Variants in ANO2 observed in about 807,000 individuals in gnomAD.
ANO2 encodes anoctamin-2.
ANO2 carries 101 observed loss-of-function variants against 124.2 expected under a neutral mutation model. That is an observed-to-expected ratio of 0.81 (90% CI 0.69 to 0.96). ANO2 has a LOEUF of 0.96. ANO2 is among the 40% of genes least tolerant of loss of function. The probability of loss-of-function intolerance (pLI) is 0.00; values close to 1 mark genes in which losing one functional copy is unlikely to be tolerated. For missense variants in ANO2, 1,293 were observed against 1,274.5 expected (o/e 1.01, Z -0.22); for synonymous variants, 486 against 482.5 (o/e 1.01, Z -0.09).
rs1224777633 is a variant in ANO2, at chr12:5,658,634, TATC to T, written c.1546-10836_1546-10834del. ...ATTAAATCATCATCAACATCAATAT[TATC>T]ATTGTCATCAATATCATCATCATCA... is the stretch of plus-strand genomic sequence containing the variant. On this transcript the variant is annotated intron_variant, in intron 14 of 24. Transcript: ENST00000682330. This position sits in a 1 kb window ranked among gnomAD's most constrained non-coding sequence, Gnocchi z 4.3. Among the ~76,000 whole-genome samples, 2 of 152,046 alleles carry T rather than the reference TATC, an allele frequency of 1.3e-5. No individual in the cohort carries two copies. The highest frequency in any genetic ancestry group is 4.8e-5 in the African/African-American group (2 of 41,364).
chr12:5,747,466 A>G (rs1324544354), intron 11 of ANO2, among the ~76,000 whole-genome samples: 1 of 152,226 alleles, frequency 6.6e-6, no homozygotes, highest in South Asian at 2.1e-4. Flanking sequence ...TTTAAAAAAC[A>G]GTTCCTCTGT....
chr12:5,670,643 T>C (rs1366926667), intron 14 of ANO2, among the ~76,000 whole-genome samples: 1 of 152,120 alleles, frequency 6.6e-6, no homozygotes, highest in East Asian at 1.9e-4. Flanking sequence ...CAGTTAATCC[T>C]CCCACCACAC....
At chr12:5,638,299 G>C (rs868336255) in intron 15 of ANO2, among the ~76,000 whole-genome samples, 9 of 145,288 alleles carry the variant, frequency 6.2e-5, no homozygotes, top group African/African-American at 1.0e-4. Context: ...GCAGTGGTGC[G>C]ATCTGGGCTC....
At chr12:5,600,992 G>A (rs1943912606) in intron 19 of ANO2, among the ~76,000 whole-genome samples, 1 of 152,150 alleles carries the variant, frequency 6.6e-6, no homozygotes, top group Non-Finnish European at 1.5e-5. Flanking sequence ...TCAGTTTCTG[G>A]TCTAATATTC....
chr12:5,611,376 AT>A, intron 19 of ANO2, among the ~76,000 whole-genome samples: 1 of 150,148 alleles, frequency 6.7e-6, no homozygotes, highest in Middle Eastern at 3.4e-3. Flanking sequence ...TATGCAGTCT[AT>A]TTTGTCTCCC....
intron 1 of ANO2, among the ~76,000 whole-genome samples, chr12:5,937,265 G>A (rs753590558): frequency 1.3e-5 from 2 of 152,138 alleles, no homozygotes; most frequent in African/African-American, 2.4e-5. Flanking sequence ...ACAGGTATGC[G>A]ATGATATCTC....
chr12:5,571,812 A>G (rs1167426214), intron 23 of ANO2, among the ~76,000 whole-genome samples: 2 of 152,122 alleles, frequency 1.3e-5, no homozygotes, highest in African/African-American at 2.4e-5. Flanking sequence ...TCTGCTTTCT[A>G]AATCTCCAGA....
At chr12:5,946,161 G>T, upstream of ANO2, 1 of 1,613,892 alleles carries the variant, frequency 6.2e-7, no homozygotes, top group African/African-American at 1.3e-5. This position sits in a 1 kb window ranked among gnomAD's most constrained non-coding sequence, Gnocchi z 4.1. Flanking sequence ...CTTCAGGCAT[G>T]AAGATTTTCT....
Position 5,921,359 on chromosome 12 carries a change from TTGA to T in ANO2, c.212_214del (p.Ile71del), listed in dbSNP as rs761695449. On this transcript the variant is annotated inframe_deletion, in exon 3 of 25. Transcript: ENST00000682330. ...AGGCTCATTGGCATCCAGATAGTTG[TTGA>T]TGACCTGGCCAGAGAGAGAGGAGAG... 3.1e-6 allele frequency: 5 copies of T among 1,613,418 alleles called. No individual in the cohort carries two copies. Among genetic ancestry groups the T allele is most frequent in the Non-Finnish European group, 4.2e-6 (5 of 1,179,516 alleles).
intron 14 of ANO2, among the ~76,000 whole-genome samples, chr12:5,702,033 T>TA (rs541048379): frequency 6.6e-6 from 1 of 151,996 alleles, no homozygotes; most frequent in Non-Finnish European, 1.5e-5. Flanking sequence ...AAATAAAAAA[T>TA]AAAAAAATAA....
intron 5 of ANO2, among the ~76,000 whole-genome samples, chr12:5,830,970 T>G (rs1455244146): frequency 6.6e-6 from 1 of 152,050 alleles, no homozygotes; most frequent in Non-Finnish European, 1.5e-5. Flanking sequence ...CATTTCAGGG[T>G]GTTGGATTAT....
intron 16 of ANO2, among the ~76,000 whole-genome samples, chr12:5,620,119 A>C (rs947625605): frequency 1.3e-5 from 2 of 152,264 alleles, no homozygotes; most frequent in African/African-American, 4.8e-5. Flanking sequence ...CTGGGAATTG[A>C]TGCCAACATT....
At chr12:5,740,594 C>T (rs1218234299) in intron 12 of ANO2, 2 of 152,176 alleles carry the variant, frequency 1.3e-5, no homozygotes, top group Non-Finnish European at 2.9e-5. Context: ...TGATCAGGGC[C>T]TTAAGAATGA....
At position 5,820,401 on chromosome 12, in the gene ANO2, T is replaced by C. The variant is rs116013999; in HGVS notation, c.892+7368A>G. Among the ~76,000 whole-genome samples the C allele has an allele frequency of 4.6e-3, 702 of 152,302 alleles. 3 individuals are homozygous for C. Among genetic ancestry groups the C allele is most frequent in the African/African-American group, 0.016 (661 of 41,554 alleles). On this transcript the variant is annotated intron_variant, in intron 7 of 24. Coordinates refer to ENST00000682330, the MANE Select transcript of ANO2 (RefSeq NM_001364791.2). ...ATCCTCAAGTTAAAGTAAGGACTTATGGAGGTCAGATAATTAATGGAGTTT... is the reference window on the plus strand; with the variant it reads ...ATCCTCAAGTTAAAGTAAGGACTTACGGAGGTCAGATAATTAATGGAGTTT...
At chr12:5,809,329 TAAAG>T (rs1202931497) in intron 7 of ANO2, among the ~76,000 whole-genome samples, 1 of 133,218 alleles carries the variant, frequency 7.5e-6, no homozygotes, top group African/African-American at 3.2e-5. Flanking sequence ...AGTTAAAAGC[TAAAG>T]CTACAAAGTG....
At chr12:5,939,529 A>C (rs527830983) in intron 1 of ANO2, among the ~76,000 whole-genome samples, 20 of 152,292 alleles carry the variant, frequency 1.3e-4, no homozygotes, top group African/African-American at 4.6e-4. Context: ...AGGTTGGTGG[A>C]AATTTGGGAA....
chr12:5,656,385 C>T (rs1419459135), intron 14 of ANO2, among the ~76,000 whole-genome samples: 4 of 152,324 alleles, frequency 2.6e-5, no homozygotes, highest in Non-Finnish European at 2.9e-5. Flanking sequence ...AACTCAACCA[C>T]GTGAACTGAA....
intron 16 of ANO2, among the ~76,000 whole-genome samples, chr12:5,619,516 C>T (rs756929810): frequency 6.6e-6 from 1 of 152,164 alleles, no homozygotes; most frequent in Non-Finnish European, 1.5e-5. Flanking sequence ...GCATTCCCTC[C>T]TCCTGGATAC....
chr12:5,935,511 T>C (rs1942610003), intron 1 of ANO2, among the ~76,000 whole-genome samples: 1 of 152,232 alleles, frequency 6.6e-6, no homozygotes, highest in Non-Finnish European at 1.5e-5. Context: ...TACTGTGGTC[T>C]AGCCAAATGC....
Sources: gnomAD v4.1 joint callset for allele counts (sites outside exome capture counted in the v4.1 genomes callset) on GRCh38, gnomAD v4.1.1 for gene constraint, Gnocchi (gnomAD v3.1) non-coding constraint, MANE v1.5 for transcripts, NCBI Gene and HGNC (gene_info 2026-07-23, HGNC 2026-07-21) for gene names.